Variants in RNF145 observed in about 807,000 individuals in gnomAD.
RNF145 encodes the protein ring finger protein 145.
In RNF145, 12 loss-of-function variants were observed where a neutral mutation model predicts 57.3. That is an observed-to-expected ratio of 0.21 (90% CI 0.13 to 0.34). The LOEUF (loss-of-function observed/expected upper bound fraction) is 0.34, where lower values mean the gene tolerates loss of function less well. Ranked by LOEUF, RNF145 falls within the 10% of genes least tolerant of loss-of-function variation. The pLI is 1.00. For missense variants in RNF145, 429 were observed against 799.0 expected, an observed-to-expected ratio of 0.54 and a Z score of 5.58; for synonymous variants, 262 against 288.3, an observed-to-expected ratio of 0.91 and a Z score of 0.92.
At chr5:159,171,464 T>C (rs1400520873) in intron 6 of RNF145, among the ~76,000 whole-genome samples, 9 of 152,120 alleles carry the variant, frequency 5.9e-5, no homozygotes, top group Admixed American at 5.9e-4. Flanking sequence ...TTTCTCTTAT[T>C]TTAGAAAAAA....
At chr5:159,208,289 G>C (rs974622065) in intron 1 of RNF145, among the ~76,000 whole-genome samples, 8 of 152,164 alleles carry the variant, frequency 5.3e-5, no homozygotes, top group African/African-American at 1.9e-4. Context: ...AAAGAGGCTC[G>C]AGAGCTCCCC....
At chr5:159,172,783 T>C (rs181044734) in intron 6 of RNF145, among the ~76,000 whole-genome samples, 3 of 152,350 alleles carry the variant, frequency 2.0e-5, no homozygotes, top group Admixed American at 2.0e-4. Context: ...TAAACTTGTC[T>C]TAAATTTCTC....
At chr5:159,207,121 A>G (rs553324305) in intron 1 of RNF145, among the ~76,000 whole-genome samples, 61 of 152,340 alleles carry the variant, frequency 4.0e-4, no homozygotes, top group African/African-American at 1.3e-3. Flanking sequence ...ATAATGCTGT[A>G]CAGTTTACCA....
intron 4 of RNF145, among the ~76,000 whole-genome samples, chr5:159,177,696 C>T (rs1784761337): frequency 6.6e-6 from 1 of 152,002 alleles, no homozygotes; most frequent in Admixed American, 6.6e-5. Context: ...CAGAAAAAAA[C>T]ATTTTTAAAG....
At chr5:159,176,544 CTG>C in intron 5 of RNF145, 86 bp downstream of exon 5, 3 of 804,698 alleles carry the variant, frequency 3.7e-6, no homozygotes, top group Non-Finnish European at 6.0e-6. Context: ...GGTACCATAA[CTG>C]TGAAATAAAA....
chr5:159,196,142 AACCC>A, intron 2 of RNF145, among the ~76,000 whole-genome samples: 1 of 152,178 alleles, frequency 6.6e-6, no homozygotes, highest in African/African-American at 2.4e-5. Flanking sequence ...AAGCTTGTCC[AACCC>A]ACGGCCCATG....
intron 4 of RNF145, among the ~76,000 whole-genome samples, chr5:159,178,303 G>T (rs1205690085): frequency 6.6e-6 from 1 of 151,846 alleles, no homozygotes; most frequent in Admixed American, 6.6e-5. Context: ...CTGGCTACTG[G>T]AATCATCCAT....
chr5:159,180,431 G>C (rs918126932), intron 4 of RNF145, among the ~76,000 whole-genome samples: 1 of 151,868 alleles, frequency 6.6e-6, no homozygotes, highest in African/African-American at 2.4e-5. Context: ...ACAGACTTTC[G>C]GGGCCACTGT....
At chr5:159,171,183 C>T (rs1416610640) in intron 6 of RNF145, among the ~76,000 whole-genome samples, 1 of 152,122 alleles carries the variant, frequency 6.6e-6, no homozygotes, top group African/African-American at 2.4e-5. Context: ...AATTTTATGA[C>T]ATTCCTACAA....
chr5:159,159,850 A>G (rs1003776966), intron 10 of RNF145, among the ~76,000 whole-genome samples: 6 of 152,222 alleles, frequency 3.9e-5, no homozygotes, highest in African/African-American at 1.4e-4. Flanking sequence ...TGAATCAACC[A>G]TTAATTTTGT....
At chr5:159,186,687 C>T (rs1785068421) in intron 3 of RNF145, among the ~76,000 whole-genome samples, 3 of 152,116 alleles carry the variant, frequency 2.0e-5, no homozygotes, top group Admixed American at 2.0e-4. Context: ...TTCATTTACC[C>T]AGAGTTTATT....
intron 2 of RNF145, among the ~76,000 whole-genome samples, chr5:159,195,099 C>T (rs1027954524): frequency 6.6e-6 from 1 of 152,128 alleles, no homozygotes; most frequent in African/African-American, 2.4e-5. Flanking sequence ...CTTCATCTAC[C>T]TTTCCTTGAT....
In RNF145 at chr5:159,203,412, AAAATGTG is replaced by A. The variant is rs775183901; in HGVS notation, c.184+15_184+21del. ...ATCAGAATGCTCACTAGAAGATTAG[AAAATGTG>A]ATGTAGACACTCACCTACATAATGC... On this transcript the variant is annotated intron_variant, in intron 2 of 10. Transcript: ENST00000424310. The A allele has an allele frequency of 1.3e-6, 2 of 1,505,194 alleles. No homozygotes were observed. Among genetic ancestry groups the A allele is most frequent in the Admixed American group, 3.4e-5 (2 of 59,384 alleles). The allele number at this position is 1,505,194 out of a possible 1,614,324, so 93.2% of individuals were successfully genotyped here.
intron 2 of RNF145, among the ~76,000 whole-genome samples, chr5:159,203,233 A>C (rs1296436596): frequency 6.6e-6 from 1 of 152,210 alleles, no homozygotes; most frequent in Non-Finnish European, 1.5e-5. Flanking sequence ...AAATAAATCC[A>C]ATACTGCTTA....
chr5:159,209,855 G>A, upstream of RNF145: 1 of 1,535,982 alleles, frequency 6.5e-7, no homozygotes, highest in Admixed American at 2.0e-5. Flanking sequence ...ACACTCACCT[G>A]CAGGGACCAC....
chr5:159,200,006 G>C (rs532043390), intron 2 of RNF145, among the ~76,000 whole-genome samples: 43 of 151,984 alleles, frequency 2.8e-4, no homozygotes, highest in African/African-American at 9.9e-4. Flanking sequence ...TCCCACTTAC[G>C]ATAGCAATAA....
At chr5:159,192,211 A>G (rs1785313643) in intron 3 of RNF145, among the ~76,000 whole-genome samples, 1 of 152,164 alleles carries the variant, frequency 6.6e-6, no homozygotes, top group Non-Finnish European at 1.5e-5. Context: ...GAGTGTGCAA[A>G]AGTTGCATGC....
At chr5:159,167,621 T>G (rs1198083470) in intron 8 of RNF145, among the ~76,000 whole-genome samples, 2 of 152,222 alleles carry the variant, frequency 1.3e-5, no homozygotes, top group Non-Finnish European at 2.9e-5. Flanking sequence ...AATCTACTTT[T>G]CAGATCTACT....
At chr5:159,169,865 G>A (rs1784492204) in intron 6 of RNF145, 46 bp from the exon 7 acceptor site, 12 of 1,517,034 alleles carry the variant, frequency 7.9e-6, no homozygotes, top group African/African-American at 1.4e-5. Flanking sequence ...CTTTCCATTT[G>A]GAGTAAACAC....
Sources: gnomAD v4.1 joint callset for allele counts (sites outside exome capture counted in the v4.1 genomes callset) on GRCh38, gnomAD v4.1.1 for gene constraint, MANE v1.5 for transcripts, NCBI Gene and HGNC (gene_info 2026-07-23, HGNC 2026-07-21) for gene names.